Variants in WWOX observed in about 807,000 individuals in gnomAD.
The protein encoded by WWOX is WW domain containing oxidoreductase.
WWOX carries 69 observed loss-of-function variants against 46.2 expected under a neutral mutation model. The observed-to-expected ratio is 1.49, with a 90% CI of 1.23 to 1.82. The LOEUF is 1.82. Among genes scored for constraint, WWOX ranks in the 40% most tolerant of loss-of-function variants. WWOX has a pLI of 0.00. For synonymous variants in WWOX, 359 were observed against 202.6 expected (o/e 1.77, Z -6.56); for missense variants, 919 against 542.6 (o/e 1.69, Z -6.89).
At chr16:78,536,544 A>G in intron 8 of WWOX, among the ~76,000 whole-genome samples, 1 of 152,242 alleles carries the variant, frequency 6.6e-6, no homozygotes, top group East Asian at 1.9e-4. Context: ...GCAACTTCGC[A>G]CCACCCTTAC....
At position 78,950,103 on chromosome 16, in the gene WWOX, T is replaced by C. The variant is rs562172917; in HGVS notation, c.1057-261505T>C. On this transcript the variant is annotated intron_variant, in intron 8 of 8. Transcript: ENST00000566780. ...AGAGACCAAGTTCTCAACTATGATA[T>C]ACTGCACATGTTTTTGTTTTTGTAT... Among the ~76,000 whole-genome samples the C allele has an allele frequency of 2.0e-5, 3 of 152,330 alleles. No homozygotes were observed. In the East Asian group the frequency reaches 5.8e-4, roughly 29 times the overall value.
chr16:78,914,742 G>A (rs532725779), intron 8 of WWOX, among the ~76,000 whole-genome samples: 9 of 150,238 alleles, frequency 6.0e-5, no homozygotes, highest in African/African-American at 2.2e-4. Flanking sequence ...AACTGGGCAT[G>A]CTGGCAGGCG....
chr16:78,261,257 G>A (rs2079224996), intron 5 of WWOX, among the ~76,000 whole-genome samples: 1 of 143,020 alleles, frequency 7.0e-6, no homozygotes, highest in Non-Finnish European at 1.5e-5. Flanking sequence ...TTTAATGTGT[G>A]GTAAGGTAGA....
chr16:78,784,287 A>G (rs1220633250), intron 8 of WWOX, among the ~76,000 whole-genome samples: 1 of 152,136 alleles, frequency 6.6e-6, no homozygotes, highest in African/African-American at 2.4e-5. Context: ...TCACAGGCAG[A>G]AAAGAGACAG....
At chr16:78,904,731 C>T (rs12597575) in intron 8 of WWOX, among the ~76,000 whole-genome samples, 49,188 of 152,084 alleles carry the variant, frequency 0.32, 8,948 homozygotes, top group Middle Eastern at 0.56. Flanking sequence ...GATATCTGGT[C>T]ACCCTATCTA....
At chr16:78,114,109 T>A (rs926910243) in intron 3 of WWOX, among the ~76,000 whole-genome samples, 3 of 144,300 alleles carry the variant, frequency 2.1e-5, no homozygotes, top group East Asian at 2.0e-4. Context: ...TTTTTTTTTT[T>A]AATGGTTACC....
chr16:79,094,973 C>T lies in WWOX; in HGVS notation c.1057-116635C>T, dbSNP rs1323144652. ...TCGCCTGGTCAGCTTCTGAATTCTT[C>T]GGGCACACAGGAGGGGCGACATGGT... On this transcript the variant is annotated intron_variant, in intron 8 of 8. Transcript: ENST00000566780. Among the ~76,000 whole-genome samples, 6 of 152,090 alleles carry T rather than the reference C, an allele frequency of 3.9e-5. 1 individual carries two copies. In the East Asian group the frequency reaches 9.7e-4, roughly 24 times the overall value.
chr16:78,827,403 G>T (rs1038564196), intron 8 of WWOX, among the ~76,000 whole-genome samples: 2 of 152,114 alleles, frequency 1.3e-5, no homozygotes, highest in Non-Finnish European at 2.9e-5. Context: ...TGGAGCTGGA[G>T]TCTCTGTGGC....
At chr16:78,631,089 G>T (rs1387867043) in intron 8 of WWOX, among the ~76,000 whole-genome samples, 1 of 152,224 alleles carries the variant, frequency 6.6e-6, no homozygotes, top group Non-Finnish European at 1.5e-5. Context: ...GTGTACAGGA[G>T]CATCACATAC....
intron 8 of WWOX, among the ~76,000 whole-genome samples, chr16:79,069,803 G>T (rs936905747): frequency 6.6e-6 from 1 of 152,138 alleles, no homozygotes; most frequent in Non-Finnish European, 1.5e-5. Context: ...GGGTTAACCT[G>T]TGTTTTGCTA....
intron 8 of WWOX, among the ~76,000 whole-genome samples, chr16:78,796,884 G>A (rs1287170796): frequency 2.0e-5 from 3 of 150,136 alleles, no homozygotes; most frequent in African/African-American, 7.4e-5. Flanking sequence ...GGAGTGCAGT[G>A]GTGCGATCTC....
At chr16:78,310,600 C>T (rs563655392) in intron 5 of WWOX, among the ~76,000 whole-genome samples, 2 of 152,284 alleles carry the variant, frequency 1.3e-5, no homozygotes, top group African/African-American at 4.8e-5. Context: ...GCAAAGGGTG[C>T]GGGCCATGTG....
At chr16:78,630,080 A>G (rs926160433) in intron 8 of WWOX, among the ~76,000 whole-genome samples, 5 of 152,106 alleles carry the variant, frequency 3.3e-5, no homozygotes, top group Admixed American at 6.5e-5. Flanking sequence ...ATTTTAGTCT[A>G]TTTCATTGAA....
At chr16:78,419,159 A>T (rs541936148) in intron 6 of WWOX, among the ~76,000 whole-genome samples, 3 of 152,298 alleles carry the variant, frequency 2.0e-5, no homozygotes, top group Admixed American at 1.3e-4. Context: ...CTAGCAATGA[A>T]GGCATCCCAT....
chr16:78,273,829 T>C (rs1194771672), intron 5 of WWOX, among the ~76,000 whole-genome samples: 1 of 152,200 alleles, frequency 6.6e-6, no homozygotes, highest in Non-Finnish European at 1.5e-5. Context: ...AGTGGAACCA[T>C]CGCTGAAGAT....
rs145599623 is a variant in WWOX at position 79,208,295 on chromosome 16, C to T, written c.1057-3313C>T. ...GTGTCGTCAACAACCTAACTCATTG[C>T]CATTGCTGCGGGATAGACACCTCCC... On this transcript the variant is annotated intron_variant, in intron 8 of 8. Coordinates refer to ENST00000566780, the MANE Select transcript of WWOX (RefSeq NM_016373.4). 2.0e-4 allele frequency among the ~76,000 whole-genome samples: 31 copies of T among 152,186 alleles called. No individual in the cohort carries two copies. The East Asian group carries it at 5.8e-3, about 28-fold the overall frequency.
intron 8 of WWOX, among the ~76,000 whole-genome samples, chr16:78,943,023 T>G (rs954963779): frequency 6.6e-6 from 1 of 152,220 alleles, no homozygotes; most frequent in African/African-American, 2.4e-5. Context: ...CTGCGTTTAT[T>G]TTTGCTTATC....
At chr16:79,068,310 G>T (rs919897024) in intron 8 of WWOX, among the ~76,000 whole-genome samples, 2 of 152,148 alleles carry the variant, frequency 1.3e-5, no homozygotes, top group Non-Finnish European at 2.9e-5. Context: ...AACCATCTTG[G>T]GGGTGAGGAC....
At chr16:79,052,432 G>A (rs974137946) in intron 8 of WWOX, among the ~76,000 whole-genome samples, 41 of 152,174 alleles carry the variant, frequency 2.7e-4, no homozygotes, top group Admixed American at 2.0e-4. Context: ...CCGTTACTGG[G>A]TGTATACCCA....
Sources: gnomAD v4.1 joint callset for allele counts (sites outside exome capture counted in the v4.1 genomes callset) on GRCh38, gnomAD v4.1.1 for gene constraint, MANE v1.5 for transcripts, NCBI Gene and HGNC (gene_info 2026-07-23, HGNC 2026-07-21) for gene names.